Variants in RGS6 observed in about 807,000 individuals in gnomAD.
RGS6 encodes regulator of G protein signaling 6, also known as regulator of G-protein signaling 6.
In RGS6, 30 loss-of-function variants were observed where a neutral mutation model predicts 78.5. That is an observed-to-expected ratio of 0.38 (90% CI 0.29 to 0.52). The LOEUF is 0.52. Among genes scored for constraint, RGS6 ranks in the 20% least tolerant of loss-of-function variants. RGS6 has a pLI of 0.85. For synonymous variants in RGS6, 206 were observed against 206.0 expected, an observed-to-expected ratio of 1.00 and a Z score of 0.00; for missense variants, 495 against 609.7, an observed-to-expected ratio of 0.81 and a Z score of 1.98.
intron 2 of RGS6, among the ~76,000 whole-genome samples, chr14:72,254,268 A>G (rs1207099284): frequency 1.3e-5 from 2 of 152,190 alleles, no homozygotes; most frequent in Admixed American, 6.5e-5. Flanking sequence ...TGCACAAGCC[A>G]TGTTCTCCCT....
chr14:72,599,688 T>C, the RGS6 span, among the ~76,000 whole-genome samples: 1 of 149,662 alleles, frequency 6.7e-6, no homozygotes, highest in Non-Finnish European at 1.5e-5. Context: ...CCTCCCAAAG[T>C]GCTGGGATTA....
At chr14:72,525,925 A>T (rs2097111081) in intron 15 of RGS6, among the ~76,000 whole-genome samples, 1 of 152,174 alleles carries the variant, frequency 6.6e-6, no homozygotes, top group South Asian at 2.1e-4. Flanking sequence ...TTTGCAGAGA[A>T]TAAATCAGTC....
chr14:72,021,364 G>A (rs2088450163), intron 2 of RGS6, among the ~76,000 whole-genome samples: 1 of 151,694 alleles, frequency 6.6e-6, no homozygotes, highest in Non-Finnish European at 1.5e-5. Context: ...ACTGGAACAC[G>A]TAAGCCATCA....
At chr14:72,063,586 A>G (rs2093995639) in intron 2 of RGS6, among the ~76,000 whole-genome samples, 1 of 152,124 alleles carries the variant, frequency 6.6e-6, no homozygotes, top group South Asian at 2.1e-4. Context: ...AGTCAGAAAA[A>G]TTTAATTTTT....
At chr14:72,260,441 A>T (rs2057939622) in intron 2 of RGS6, among the ~76,000 whole-genome samples, 2 of 152,240 alleles carry the variant, frequency 1.3e-5, no homozygotes, top group African/African-American at 4.8e-5. Flanking sequence ...TTAATAAAAG[A>T]TGTCAAAGTT....
At chr14:72,213,759 G>A (rs1314407383) in intron 2 of RGS6, among the ~76,000 whole-genome samples, 1 of 152,134 alleles carries the variant, frequency 6.6e-6, no homozygotes, top group African/African-American at 2.4e-5. Flanking sequence ...TGACCATCTG[G>A]ATGTTTATAG....
chr14:72,257,642 A>G (rs988408409), intron 2 of RGS6, among the ~76,000 whole-genome samples: 3 of 152,208 alleles, frequency 2.0e-5, no homozygotes, highest in South Asian at 2.1e-4. Flanking sequence ...TTCTGAATCT[A>G]ATATAAAATA....
chr14:72,449,552 G>C, intron 3 of RGS6, among the ~76,000 whole-genome samples: 1 of 152,202 alleles, frequency 6.6e-6, no homozygotes, highest in East Asian at 1.9e-4. Context: ...ATGAGTGTCT[G>C]CCTGAAACCA....
At chr14:72,251,794 C>T (rs905546299) in intron 2 of RGS6, among the ~76,000 whole-genome samples, 1 of 152,098 alleles carries the variant, frequency 6.6e-6, no homozygotes, top group Non-Finnish European at 1.5e-5. Context: ...TGTTCATTCC[C>T]CCAAACCTTA....
chr14:72,034,391 ATTCTT>A (rs2153352604), intron 2 of RGS6, among the ~76,000 whole-genome samples: 1 of 113,236 alleles, frequency 8.8e-6, no homozygotes, highest in African/African-American at 3.4e-5. Flanking sequence ...AGGGTATTGA[ATTCTT>A]TTCAGTGCTT....
chr14:72,325,843 A>G (rs1262270585), intron 2 of RGS6, among the ~76,000 whole-genome samples: 2 of 152,226 alleles, frequency 1.3e-5, no homozygotes, highest in African/African-American at 4.8e-5. Context: ...GATTTAAAAA[A>G]AAAAGCCTGC....
intron 15 of RGS6, among the ~76,000 whole-genome samples, chr14:72,533,332 C>A (rs1420183340): frequency 6.6e-6 from 1 of 152,200 alleles, no homozygotes; most frequent in Non-Finnish European, 1.5e-5. Context: ...AATAATATTT[C>A]TTTCCAAATA....
At chr14:72,374,438 T>G (rs2084201397) in intron 3 of RGS6, among the ~76,000 whole-genome samples, 1 of 152,212 alleles carries the variant, frequency 6.6e-6, no homozygotes, top group Admixed American at 6.5e-5. Flanking sequence ...AGCAAAGAGT[T>G]GGAGCCAACC....
At chr14:72,332,103 T>C (rs2075171932) in intron 2 of RGS6, among the ~76,000 whole-genome samples, 1 of 152,136 alleles carries the variant, frequency 6.6e-6, no homozygotes, top group African/African-American at 2.4e-5. Context: ...CCAAGTTCCT[T>C]AGGAGGTGCA....
chr14:71,972,726 A>G (rs1028935965), intron 2 of RGS6, among the ~76,000 whole-genome samples: 2 of 152,172 alleles, frequency 1.3e-5, no homozygotes, highest in Non-Finnish European at 2.9e-5. Context: ...ACAGGAATCC[A>G]GGTGAGGAAA....
chr14:72,214,843 G>A (rs1599666148), intron 2 of RGS6, among the ~76,000 whole-genome samples: 1 of 152,086 alleles, frequency 6.6e-6, no homozygotes, highest in East Asian at 1.9e-4. Flanking sequence ...AAGGATGGAA[G>A]AAAACCATCC....
intron 2 of RGS6, among the ~76,000 whole-genome samples, chr14:72,045,011 T>C (rs1456986081): frequency 6.6e-6 from 1 of 152,254 alleles, no homozygotes; most frequent in Non-Finnish European, 1.5e-5. Flanking sequence ...TTGTTGGCTC[T>C]TCTGATTCTC....
intron 2 of RGS6, among the ~76,000 whole-genome samples, chr14:72,142,491 C>T (rs765752949): frequency 5.3e-5 from 8 of 152,146 alleles, no homozygotes; most frequent in Non-Finnish European, 8.8e-5. Context: ...AGAGGAAGTC[C>T]CAAGGGGCCC....
chr14:72,606,583 A>C, the RGS6 span, among the ~76,000 whole-genome samples: 1 of 152,152 alleles, frequency 6.6e-6, no homozygotes, highest in Non-Finnish European at 1.5e-5. Context: ...TCCTCTCCCC[A>C]GGGAAAAAGC....
Sources: allele counts gnomAD v4.1 joint callset (sites outside exome capture counted in the v4.1 genomes callset), GRCh38; gene constraint gnomAD v4.1.1; transcripts MANE v1.5; gene names NCBI Gene and HGNC (gene_info 2026-07-23, HGNC 2026-07-21).